The following CASR variants were observed in gnomAD, a reference collection of about 807,000 sequenced individuals.
CASR encodes calcium sensing receptor, also known as extracellular calcium-sensing receptor.
Under a neutral mutation model 69.1 loss-of-function variants are expected in CASR, and 23 were observed. The observed-to-expected ratio is 0.33, with a 90% confidence interval of 0.24 to 0.47. The LOEUF (loss-of-function observed/expected upper bound fraction) is 0.47, where lower values mean the gene tolerates loss of function less well. CASR is among the 20% of genes least tolerant of loss of function. CASR has a pLI of 1.00. For missense variants in CASR, 924 were observed against 1,356.1 expected (o/e 0.68, Z 5.00); for synonymous variants, 541 against 544.7 (o/e 0.99, Z 0.10).
At chr3:122,250,250 G>A (rs1167064607) in intron 1 of CASR, among the ~76,000 whole-genome samples, 2 of 152,042 alleles carry the variant, frequency 1.3e-5, no homozygotes, top group East Asian at 3.8e-4. Flanking sequence ...AGCTTTGGAA[G>A]CAAATTCGAC....
At chr3:122,221,976 A>G (rs1285299347) in intron 1 of CASR, among the ~76,000 whole-genome samples, 1 of 151,878 alleles carries the variant, frequency 6.6e-6, no homozygotes, top group Non-Finnish European at 1.5e-5. Context: ...CATAAAAACA[A>G]CTGAATCTAC....
At chr3:122,202,382 C>T (rs1012708712) in intron 1 of CASR, among the ~76,000 whole-genome samples, 9 of 125,912 alleles carry the variant, frequency 7.1e-5, no homozygotes, top group African/African-American at 1.2e-4. Context: ...AGTCCAGCTT[C>T]GGCTCAGCAT....
chr3:122,199,895 T>G (rs2073925461), intron 1 of CASR, among the ~76,000 whole-genome samples: 1 of 152,104 alleles, frequency 6.6e-6, no homozygotes, highest in Non-Finnish European at 1.5e-5. Flanking sequence ...TTTTTTGTTT[T>G]TTTGTTTGTT....
rs150339758 is a variant in CASR, at chr3:122,282,692, G to A, written c.1732+456G>A. Among the ~76,000 whole-genome samples, 370 of 152,306 alleles carry A rather than the reference G, an allele frequency of 2.4e-3. 4 individuals carry two copies. Among genetic ancestry groups the A allele is most frequent in the African/African-American group, 8.6e-3 (357 of 41,568 alleles). ...CTATCCTATAGAATTTTGAGAATTA[G>A]ATGATTAATATTGGTAATGCACATG... On this transcript the variant is annotated intron_variant, in intron 6 of 6. Coordinates refer to ENST00000639785, the MANE Select transcript of CASR (RefSeq NM_000388.4).
At chr3:122,274,452 G>A (rs139935620) in intron 4 of CASR, among the ~76,000 whole-genome samples, 45 of 152,374 alleles carry the variant, frequency 3.0e-4, no homozygotes, top group African/African-American at 8.7e-4. Context: ...CTGGAGTGGA[G>A]TGGGACAGGA....
rs1272240293 is a variant in CASR, at chr3:122,262,426, T to C, written c.1377+14T>C. The C allele has an allele frequency of 6.2e-7, 1 of 1,607,644 alleles. No individual in the cohort carries two copies. The highest frequency in any genetic ancestry group is 8.5e-7 in the Non-Finnish European group (1 of 1,179,388). On this transcript the variant is annotated intron_variant, in intron 4 of 6. Coordinates refer to ENST00000639785, the MANE Select transcript of CASR (RefSeq NM_000388.4). Reference sequence around the variant, plus strand: ...GAGGCGTGGCAGGTGCGTCCTTCACTTATATAGCAATTTGCTGTATAATAA... The same window carrying C: ...GAGGCGTGGCAGGTGCGTCCTTCACCTATATAGCAATTTGCTGTATAATAA...
At chr3:122,280,383 G>T (rs1231493031) in intron 5 of CASR, among the ~76,000 whole-genome samples, 3 of 152,152 alleles carry the variant, frequency 2.0e-5, no homozygotes, top group Non-Finnish European at 2.9e-5. Context: ...AAGAAATAAA[G>T]GGTATTCAAA....
chr3:122,266,990 C>T lies in CASR; in HGVS notation c.1377+4578C>T, dbSNP rs560925740. Among the ~76,000 whole-genome samples the T allele has an allele frequency of 7.9e-5, 12 of 152,198 alleles. No individual in the cohort carries two copies. In the South Asian group the frequency reaches 1.7e-3, roughly 21 times the overall value. On this transcript the variant is annotated intron_variant, in intron 4 of 6. Transcript: ENST00000639785. ...CTGCACTCCAGCCTGGGCAACAGAG[C>T]GAGACTCCGTCTCAAAATAAATAAA...
intron 1 of CASR, among the ~76,000 whole-genome samples, chr3:122,222,145 AC>A (rs2074177672): frequency 6.6e-6 from 1 of 152,220 alleles, no homozygotes; most frequent in Non-Finnish European, 1.5e-5. Context: ...ATTCTACAAA[AC>A]AAGATAAAGG....
chr3:122,192,345 A>G (rs1013890847), intron 1 of CASR, among the ~76,000 whole-genome samples: 1 of 152,196 alleles, frequency 6.6e-6, no homozygotes. Flanking sequence ...TAGGGCTGTT[A>G]TGTGGCTTAA....
At chr3:122,210,598 CA>C (rs1559939056) in intron 1 of CASR, among the ~76,000 whole-genome samples, 1 of 152,086 alleles carries the variant, frequency 6.6e-6, no homozygotes, top group Non-Finnish European at 1.5e-5. Flanking sequence ...AGGACAAAAA[CA>C]AATATAAAAA....
intron 5 of CASR, among the ~76,000 whole-genome samples, chr3:122,279,772 G>A (rs185090508): frequency 4.6e-5 from 7 of 152,210 alleles, no homozygotes; most frequent in Non-Finnish European, 7.4e-5. Flanking sequence ...CCTTGATAAA[G>A]GATACAGCAA....
intron 3 of CASR, 41 bp from the exon 4 acceptor site, chr3:122,261,487 T>C: frequency 1.9e-6 from 3 of 1,599,884 alleles, no homozygotes; most frequent in Middle Eastern, 1.8e-4. Context: ...ACCTCTTCAC[T>C]CACTCACTCA....
Position 122,275,828 on chromosome 3 carries a change from G to T in CASR, c.1394G>T (p.Arg465Leu), listed in dbSNP as rs104893716. ...CCTCTTTAGGTCCTGAAGCACCTACGGCATCTAAACTTTACAAACAATATG... is the reference window on the plus strand; with the variant it reads ...CCTCTTTAGGTCCTGAAGCACCTACTGCATCTAAACTTTACAAACAATATG... ...VEAWQVLKHL[R>L]HLNFTNNMGE... The change falls in exon 5 of 7, where the codon CGG (arginine) becomes CTG (leucine). Residue 465 changes from arginine to leucine, a missense_variant. Physicochemically the swap from Arg to Leu is moderately radical, Grantham distance 102. This residue lies in a region of CASR where 310 missense variants were observed against 395.7 expected (regional missense o/e 0.78). Transcript: ENST00000639785. The T allele has an allele frequency of 1.2e-6, 2 of 1,613,414 alleles. No individual in the cohort carries two copies. Among genetic ancestry groups the T allele is most frequent in the Non-Finnish European group, 1.7e-6 (2 of 1,179,426 alleles).
At chr3:122,214,497 A>G (rs765113737) in intron 1 of CASR, among the ~76,000 whole-genome samples, 1 of 152,188 alleles carries the variant, frequency 6.6e-6, no homozygotes, top group Non-Finnish European at 1.5e-5. Flanking sequence ...TTAGTTCAGA[A>G]GGCGTAAACC....
chr3:122,282,028 C>T (rs1380713559), intron 5 of CASR, 85 bp from the exon 6 acceptor site: 1 of 1,593,492 alleles, frequency 6.3e-7, no homozygotes, highest in Admixed American at 1.7e-5. Flanking sequence ...CAAACTCCTC[C>T]CTCTTACATG....
chr3:122,221,643 A>G (rs1576831018), intron 1 of CASR, among the ~76,000 whole-genome samples: 1 of 152,372 alleles, frequency 6.6e-6, no homozygotes, highest in African/African-American at 2.4e-5. Flanking sequence ...CACTAGAAAG[A>G]TAGTAACAAC....
chr3:122,197,113 A>G (rs1186381144), intron 1 of CASR, among the ~76,000 whole-genome samples: 4 of 152,148 alleles, frequency 2.6e-5, no homozygotes, highest in African/African-American at 9.7e-5. Context: ...ATCTCTTTGG[A>G]CTTCCATCTT....
intron 1 of CASR, among the ~76,000 whole-genome samples, chr3:122,200,278 CCT>C (rs1433490240): frequency 1.3e-5 from 2 of 152,192 alleles, no homozygotes; most frequent in South Asian, 2.1e-4. Flanking sequence ...TGCTAATTAC[CCT>C]GATTTGATCA....
Sources: gnomAD v4.1 joint callset for allele counts (sites outside exome capture counted in the v4.1 genomes callset) on GRCh38, gnomAD v4.1.1 for gene constraint, gnomAD v4.1.1 regional missense constraint, MANE v1.5 for transcripts, NCBI Gene and HGNC (gene_info 2026-07-23, HGNC 2026-07-21) for gene names.